Variants in SLC15A5 observed in about 807,000 individuals in gnomAD.
SLC15A5 encodes the protein Peptide/histidine transporter ENSP00000340402.
Under a neutral mutation model 56.1 loss-of-function variants are expected in SLC15A5, and 58 were observed. The observed-to-expected ratio is 1.03, with a 90% CI of 0.84 to 1.29. SLC15A5 has a LOEUF of 1.29. Ranked by LOEUF, SLC15A5 falls within the 50% of genes most tolerant of loss-of-function variation. The pLI is 0.00. For missense variants in SLC15A5, 681 were observed against 672.1 expected (o/e 1.01, Z -0.15); for synonymous variants, 264 against 250.5 (o/e 1.05, Z -0.51).
chr12:16,231,188 G>T (rs1188220300), intron 5 of SLC15A5, among the ~76,000 whole-genome samples: 1 of 152,138 alleles, frequency 6.6e-6, no homozygotes, highest in Non-Finnish European at 1.5e-5. Context: ...ATACTTTTAA[G>T]ATCCTATTCC....
chr12:16,219,063 G>T (rs1312745723), intron 6 of SLC15A5, among the ~76,000 whole-genome samples: 2 of 152,150 alleles, frequency 1.3e-5, no homozygotes, highest in Non-Finnish European at 2.9e-5. Context: ...TCAGGAAAGT[G>T]CTCAGTGCTG....
At chr12:16,234,205 C>T (rs1323961348) in intron 5 of SLC15A5, among the ~76,000 whole-genome samples, 1 of 152,066 alleles carries the variant, frequency 6.6e-6, no homozygotes, top group East Asian at 1.9e-4. Flanking sequence ...TTTATAAGAG[C>T]ACCTAATCCC....
intron 3 of SLC15A5, among the ~76,000 whole-genome samples, chr12:16,257,064 C>G (rs1277711034): frequency 6.6e-6 from 1 of 151,900 alleles, no homozygotes; most frequent in African/African-American, 2.4e-5. Flanking sequence ...GAGATTTTAA[C>G]AGTGACTAGA....
intron 8 of SLC15A5, among the ~76,000 whole-genome samples, chr12:16,191,543 T>A (rs1863838328): frequency 6.6e-6 from 1 of 152,124 alleles, no homozygotes; most frequent in Non-Finnish European, 1.5e-5. Flanking sequence ...AAATATGATT[T>A]GACTTGTAAG....
chr12:16,229,514 G>A (rs1311231505), intron 5 of SLC15A5, among the ~76,000 whole-genome samples: 5 of 151,562 alleles, frequency 3.3e-5, no homozygotes, highest in Admixed American at 2.0e-4. Flanking sequence ...AATATTTTTA[G>A]TGTGTTCATT....
At chr12:16,227,869 A>G (rs1304471387) in intron 5 of SLC15A5, among the ~76,000 whole-genome samples, 1 of 152,196 alleles carries the variant, frequency 6.6e-6, no homozygotes, top group African/African-American at 2.4e-5. Context: ...TAGAAGTGAT[A>G]AAAATAATCT....
intron 7 of SLC15A5, among the ~76,000 whole-genome samples, chr12:16,210,749 C>T (rs1195985151): frequency 6.6e-6 from 1 of 152,152 alleles, no homozygotes; most frequent in Admixed American, 6.5e-5. Flanking sequence ...ACTCAAATGT[C>T]TGCCTTTTCT....
chr12:16,224,256 G>A (rs562834006), intron 6 of SLC15A5, among the ~76,000 whole-genome samples, 158 bp downstream of exon 6: 1 of 152,334 alleles, frequency 6.6e-6, no homozygotes, highest in East Asian at 1.9e-4. Flanking sequence ...GAAATGAAAT[G>A]TTTGTAAAAA....
intron 6 of SLC15A5, among the ~76,000 whole-genome samples, chr12:16,219,963 C>T (rs1048705650): frequency 3.9e-5 from 6 of 152,120 alleles, no homozygotes; most frequent in African/African-American, 1.4e-4. Context: ...GATGCCACAT[C>T]ACAGCATATG....
chr12:16,211,539 G>A lies in SLC15A5; in HGVS notation c.1483+5354C>T, dbSNP rs78826064. 2.7e-3 allele frequency among the ~76,000 whole-genome samples: 412 copies of A among 151,862 alleles called. 2 individuals are homozygous for A. Among genetic ancestry groups the A allele is most frequent in the African/African-American group, 9.6e-3 (397 of 41,416 alleles). ...ATATTTTGCTTCGGATCTTTCAATCGCCTGCATGTCCATAACTAAGATGTC... is the reference window on the plus strand; with the variant it reads ...ATATTTTGCTTCGGATCTTTCAATCACCTGCATGTCCATAACTAAGATGTC... On this transcript the variant is annotated intron_variant, in intron 7 of 8. Transcript: ENST00000344941.
chr12:16,207,013 G>C (rs1225880874), intron 7 of SLC15A5, among the ~76,000 whole-genome samples: 1 of 152,166 alleles, frequency 6.6e-6, no homozygotes, highest in African/African-American at 2.4e-5. Flanking sequence ...TTAGAAGAGA[G>C]GTAATGCTTT....
chr12:16,215,724 T>A lies in SLC15A5; in HGVS notation c.1483+1169A>T, dbSNP rs2136245976. On this transcript the variant is annotated intron_variant, in intron 7 of 8. Coordinates refer to ENST00000344941, the MANE Select transcript of SLC15A5 (RefSeq NM_001170798.1). The stretch of plus-strand genomic sequence containing the variant: ...TATTCAACACACACTTCAGCTTAAT[T>A]TTCTCAGATAAGTAAGGAAAGGGCA... Among the ~76,000 whole-genome samples, 2 of 152,302 alleles carry A rather than the reference T, an allele frequency of 1.3e-5. 1 individual carries two copies. Among genetic ancestry groups the A allele is most frequent in the Admixed American group, 1.3e-4 (2 of 15,294 alleles).
At chr12:16,199,319 A>AAG (rs910077535) in intron 7 of SLC15A5, among the ~76,000 whole-genome samples, 4 of 151,350 alleles carry the variant, frequency 2.6e-5, no homozygotes, top group African/African-American at 9.7e-5. Context: ...AAAAAAAAAA[A>AAG]AAAAAAGGAT....
chr12:16,214,705 A>G (rs911176358), intron 7 of SLC15A5, among the ~76,000 whole-genome samples: 2 of 152,180 alleles, frequency 1.3e-5, no homozygotes, highest in African/African-American at 4.8e-5. Flanking sequence ...ACCCTCCCAG[A>G]TCTTGTTCCA....
intron 5 of SLC15A5, among the ~76,000 whole-genome samples, chr12:16,227,262 C>G (rs1263671886): frequency 1.3e-5 from 2 of 152,160 alleles, no homozygotes; most frequent in African/African-American, 2.4e-5. Context: ...CACATATTAT[C>G]TGATTTTAAG....
chr12:16,263,103 C>A (rs567802532), intron 2 of SLC15A5, among the ~76,000 whole-genome samples: 2 of 152,106 alleles, frequency 1.3e-5, no homozygotes, highest in Non-Finnish European at 2.9e-5. Context: ...GAGGATGGAA[C>A]AGTTTGGAGG....
intron 2 of SLC15A5, among the ~76,000 whole-genome samples, chr12:16,265,151 A>G (rs1864681376): frequency 2.0e-5 from 3 of 152,208 alleles, no homozygotes; most frequent in Non-Finnish European, 4.4e-5. Context: ...TGAATTGCAG[A>G]TGCGGCAAGG....
intron 4 of SLC15A5, among the ~76,000 whole-genome samples, chr12:16,241,465 C>T (rs1290315526): frequency 6.6e-6 from 1 of 152,196 alleles, no homozygotes; most frequent in Non-Finnish European, 1.5e-5. Flanking sequence ...TGCGCAAACA[C>T]AGGACAAGAC....
chr12:16,214,904 C>T (rs1864115097), intron 7 of SLC15A5, among the ~76,000 whole-genome samples: 1 of 151,964 alleles, frequency 6.6e-6, no homozygotes, highest in South Asian at 2.1e-4. Flanking sequence ...TGGCTAGTAT[C>T]TACAGTGAGG....
Sources: gnomAD v4.1 joint callset for allele counts (sites outside exome capture counted in the v4.1 genomes callset) on GRCh38, gnomAD v4.1.1 for gene constraint, MANE v1.5 for transcripts, NCBI Gene and HGNC (gene_info 2026-07-23, HGNC 2026-07-21) for gene names.